PPP2R3A: variants seen among roughly 807,000 people sequenced by gnomAD.
PPP2R3A encodes protein phosphatase 2 regulatory subunit B''alpha.
A neutral mutation model predicts 106.9 loss-of-function variants in PPP2R3A; 80 were observed. The ratio of observed to expected loss-of-function variants is 0.75; its 90% CI spans 0.62 to 0.90. The LOEUF (loss-of-function observed/expected upper bound fraction) is 0.90. Among genes scored for constraint, PPP2R3A ranks in the 40% least tolerant of loss-of-function variants. The pLI is 0.00. For synonymous variants in PPP2R3A, 483 were observed against 468.3 expected, an observed-to-expected ratio of 1.03 and a Z score of -0.41; for missense variants, 1,386 against 1,350.4, an observed-to-expected ratio of 1.03 and a Z score of -0.41.
At chr3:136,038,614 C>A (rs1317031460) in intron 3 of PPP2R3A, among the ~76,000 whole-genome samples, 1 of 152,158 alleles carries the variant, frequency 6.6e-6, no homozygotes, top group African/African-American at 2.4e-5. Flanking sequence ...TAAGCCAGTT[C>A]CAGCGTCTCC....
intron 2 of PPP2R3A, among the ~76,000 whole-genome samples, chr3:136,011,994 T>TACAC (rs35643220): frequency 0.36 from 53,562 of 148,074 alleles, 10,811 homozygotes; most frequent in African/African-American, 0.58. Context: ...CACACACACA[T>TACAC]ACACACACAC....
intron 2 of PPP2R3A, among the ~76,000 whole-genome samples, chr3:136,015,708 T>C (rs1466447275): frequency 6.6e-6 from 1 of 152,046 alleles, no homozygotes; most frequent in Admixed American, 6.6e-5. Flanking sequence ...TCTCTCTTCT[T>C]TTCTCGGTTA....
intron 13 of PPP2R3A, among the ~76,000 whole-genome samples, chr3:136,131,104 G>T (rs895710836): frequency 6.6e-6 from 1 of 152,094 alleles, no homozygotes; most frequent in Non-Finnish European, 1.5e-5. Context: ...GCATGGGCAA[G>T]GACTTCATGA....
chr3:136,068,375 G>T (rs554718756), intron 5 of PPP2R3A, among the ~76,000 whole-genome samples: 1 of 150,224 alleles, frequency 6.7e-6, no homozygotes, highest in African/African-American at 2.5e-5. Context: ...TAAATAGGCC[G>T]GGCATGGTGG....
chr3:136,078,572 G>A (rs1936671419), intron 7 of PPP2R3A, 119 bp downstream of exon 7: 2 of 680,496 alleles, frequency 2.9e-6, no homozygotes, highest in Non-Finnish European at 2.5e-6. Flanking sequence ...CAGTCATTAA[G>A]CATTTATCAA....
Position 136,145,761 on chromosome 3 carries a change from A to C in PPP2R3A, c.*595A>C. ...AAACTACTAGTCACTTTACATCCTC[A>C]GGTATTGTAACCACTGGGCCTTCCA... On this transcript the variant is annotated 3_prime_UTR_variant, in exon 14 of 14. Transcript: ENST00000264977. The C allele has an allele frequency of 6.6e-6, 1 of 152,600 alleles. No homozygotes were observed. The highest frequency in any genetic ancestry group is 1.9e-4 in the East Asian group (1 of 5,196). The allele number at this position is 152,600 out of a possible 1,614,324, so 9.5% of individuals were successfully genotyped here.
intron 5 of PPP2R3A, among the ~76,000 whole-genome samples, chr3:136,067,946 C>T (rs1936311209): frequency 6.6e-6 from 1 of 152,220 alleles, no homozygotes; most frequent in African/African-American, 2.4e-5. Flanking sequence ...CAAGAGAACA[C>T]AGGTGGCCAG....
chr3:136,056,686 G>T (rs1283012456), intron 5 of PPP2R3A, among the ~76,000 whole-genome samples: 1 of 150,310 alleles, frequency 6.7e-6, no homozygotes, highest in Non-Finnish European at 1.5e-5. Flanking sequence ...TTTTTTTTTT[G>T]GATATGAACC....
chr3:136,066,732 C>T (rs1402990186), intron 5 of PPP2R3A, among the ~76,000 whole-genome samples: 3 of 152,058 alleles, frequency 2.0e-5, no homozygotes, highest in Non-Finnish European at 4.4e-5. Context: ...AACTCACTAT[C>T]TCGAGGACCG....
At chr3:136,097,120 G>T (rs1460837575) in intron 10 of PPP2R3A, among the ~76,000 whole-genome samples, 1 of 150,558 alleles carries the variant, frequency 6.6e-6, no homozygotes, top group African/African-American at 2.4e-5. Flanking sequence ...TTCCTTCTGT[G>T]TTTTCTGTTT....
chr3:136,044,414 A>G (rs949665682), intron 4 of PPP2R3A, among the ~76,000 whole-genome samples: 1 of 152,054 alleles, frequency 6.6e-6, no homozygotes, highest in Non-Finnish European at 1.5e-5. Context: ...AGGAGCTTAC[A>G]GTCTAGTGAA....
At chr3:135,979,972 C>T (rs1937516506) in intron 1 of PPP2R3A, among the ~76,000 whole-genome samples, 1 of 151,828 alleles carries the variant, frequency 6.6e-6, no homozygotes, top group South Asian at 2.1e-4. Context: ...TCAGGGAACA[C>T]GTTAGTTCAT....
intron 1 of PPP2R3A, among the ~76,000 whole-genome samples, chr3:135,999,432 C>A (rs1472481486): frequency 3.3e-5 from 5 of 152,230 alleles, no homozygotes; most frequent in Non-Finnish European, 7.4e-5. Context: ...GGATTAGATT[C>A]CATGTCTAAG....
At chr3:136,136,075 T>TAAAAAAA (rs1559940364) in intron 13 of PPP2R3A, among the ~76,000 whole-genome samples, 1 of 7,758 alleles carries the variant, frequency 1.3e-4, no homozygotes. Context: ...AAAAAAAAAT[T>TAAAAAAA]ATATATATAT....
chr3:136,137,239 T>C (rs1043372426), intron 13 of PPP2R3A, among the ~76,000 whole-genome samples: 1 of 152,158 alleles, frequency 6.6e-6, no homozygotes, highest in African/African-American at 2.4e-5. Context: ...AGAAACAAGC[T>C]TTTCTGCCAA....
intron 13 of PPP2R3A, among the ~76,000 whole-genome samples, chr3:136,133,890 CAAAAAAA>C (rs34515503): frequency 5.4e-5 from 3 of 55,440 alleles, no homozygotes; most frequent in African/African-American, 1.1e-4. Context: ...AACTCCATCT[CAAAAAAA>C]AAAAAAAAAA....
At chr3:136,127,877 G>T (rs910976589) in intron 13 of PPP2R3A, among the ~76,000 whole-genome samples, 1 of 152,140 alleles carries the variant, frequency 6.6e-6, no homozygotes, top group Non-Finnish European at 1.5e-5. Context: ...TTAAAGAAAA[G>T]AATTTTCAAC....
intron 10 of PPP2R3A, among the ~76,000 whole-genome samples, chr3:136,100,748 T>C (rs913913795): frequency 1.3e-5 from 2 of 152,090 alleles, no homozygotes; most frequent in African/African-American, 2.4e-5. Context: ...GGAAGATTGC[T>C]TGAGGCCAGG....
At chr3:136,135,799 T>C (rs112487748) in intron 13 of PPP2R3A, among the ~76,000 whole-genome samples, 6,177 of 151,976 alleles carry the variant, frequency 0.041, 455 homozygotes, top group African/African-American at 0.14. Context: ...GCCTGTAATC[T>C]CAACACTTTG....
Sources: allele counts gnomAD v4.1 joint callset (sites outside exome capture counted in the v4.1 genomes callset), GRCh38; gene constraint gnomAD v4.1.1; transcripts MANE v1.5; gene names NCBI Gene and HGNC (gene_info 2026-07-23, HGNC 2026-07-21).